NAV3: variants seen among roughly 807,000 people sequenced by gnomAD.
NAV3 encodes the protein neuron navigator 3.
In NAV3, 87 loss-of-function variants were observed where a neutral mutation model predicts 244.7. The observed-to-expected ratio is 0.36, with a 90% CI of 0.30 to 0.42. NAV3 has a LOEUF of 0.42. Ranked by LOEUF, NAV3 falls within the 20% of genes least tolerant of loss-of-function variation. The pLI is 1.00. For synonymous variants in NAV3, 1,126 were observed against 1,042.2 expected, an observed-to-expected ratio of 1.08 and a Z score of -1.55; for missense variants, 2,663 against 2,893.3, an observed-to-expected ratio of 0.92 and a Z score of 1.83.
At chr12:78,115,691 T>C (rs145510541) in intron 12 of NAV3, among the ~76,000 whole-genome samples, 1 of 152,334 alleles carries the variant, frequency 6.6e-6, no homozygotes, top group Admixed American at 6.5e-5. Context: ...TACATTTTCA[T>C]TGTTCTGATA....
intron 2 of NAV3, among the ~76,000 whole-genome samples, chr12:77,813,709 G>A (rs1872403380): frequency 6.6e-6 from 1 of 152,012 alleles, no homozygotes; most frequent in Non-Finnish European, 1.5e-5. Context: ...TCATAAGGAA[G>A]CAAAAAGATA....
intron 2 of NAV3, among the ~76,000 whole-genome samples, chr12:77,723,431 G>A (rs555265888): frequency 6.6e-6 from 1 of 152,112 alleles, no homozygotes; most frequent in Admixed American, 6.6e-5. Flanking sequence ...ATGCTGCTTA[G>A]ACTACATGGA....
At chr12:78,167,121 A>T (rs1426174463) in intron 23 of NAV3, among the ~76,000 whole-genome samples, 1 of 151,808 alleles carries the variant, frequency 6.6e-6, no homozygotes, top group Non-Finnish European at 1.5e-5. Context: ...AATGGAAAAT[A>T]TATTAAGTTT....
chr12:77,777,484 A>G (rs1387632684), intron 2 of NAV3, among the ~76,000 whole-genome samples: 1 of 152,188 alleles, frequency 6.6e-6, no homozygotes, highest in African/African-American at 2.4e-5. Context: ...CAAAAGGATG[A>G]CTAACATCCT....
At chr12:77,925,423 A>T (rs1226296758) in intron 1 of NAV3, among the ~76,000 whole-genome samples, 1 of 152,126 alleles carries the variant, frequency 6.6e-6, no homozygotes, top group African/African-American at 2.4e-5. Flanking sequence ...ATTTTCCTTT[A>T]GCTAATATAT....
chr12:78,046,710 T>G (rs987542066), intron 9 of NAV3, among the ~76,000 whole-genome samples: 5 of 152,154 alleles, frequency 3.3e-5, no homozygotes, highest in African/African-American at 9.7e-5. Flanking sequence ...ATATTCTGTT[T>G]ATTTGGGGTG....
intron 5 of NAV3, among the ~76,000 whole-genome samples, chr12:77,979,150 G>A (rs1466316544): frequency 6.7e-6 from 1 of 149,692 alleles, no homozygotes; most frequent in African/African-American, 2.5e-5. Flanking sequence ...CAAGGCAGGA[G>A]ATCACCTGAG....
chr12:78,017,212 C>T (rs1876372035), intron 8 of NAV3, among the ~76,000 whole-genome samples: 1 of 152,090 alleles, frequency 6.6e-6, no homozygotes, highest in East Asian at 1.9e-4. Flanking sequence ...ATTAAGTGCA[C>T]AAAAACAGGT....
intron 12 of NAV3, among the ~76,000 whole-genome samples, chr12:78,110,943 C>T (rs1296461608): frequency 6.6e-6 from 1 of 151,868 alleles, no homozygotes; most frequent in Non-Finnish European, 1.5e-5. Flanking sequence ...CACATGTTCT[C>T]ACTTATATGT....
At chr12:77,969,655 G>A (rs531459118) in intron 5 of NAV3, among the ~76,000 whole-genome samples, 11 of 152,228 alleles carry the variant, frequency 7.2e-5, no homozygotes, top group African/African-American at 2.6e-4. Context: ...GACCAGCCTG[G>A]CCAAGATGGT....
At chr12:77,849,896 G>A (rs947045224) in intron 1 of NAV3, among the ~76,000 whole-genome samples, 1 of 152,128 alleles carries the variant, frequency 6.6e-6, no homozygotes, top group Non-Finnish European at 1.5e-5. Flanking sequence ...GGAAGAAAGA[G>A]TGGAGGATCT....
At chr12:77,955,389 G>A (rs1891270886) in intron 3 of NAV3, among the ~76,000 whole-genome samples, 1 of 152,132 alleles carries the variant, frequency 6.6e-6, no homozygotes, top group South Asian at 2.1e-4. Context: ...GCAGCAAAAT[G>A]TGGGGGTTAG....
chr12:77,888,228 A>G (rs1883522918), intron 1 of NAV3, among the ~76,000 whole-genome samples: 4 of 152,146 alleles, frequency 2.6e-5, no homozygotes, highest in Admixed American at 2.6e-4. Flanking sequence ...ATGGTGGCTC[A>G]TGCCTGTAAT....
chr12:78,098,390 A>G (rs575961191), intron 12 of NAV3, among the ~76,000 whole-genome samples: 38 of 152,116 alleles, frequency 2.5e-4, no homozygotes, highest in Middle Eastern at 6.8e-3. Context: ...AACATCAACA[A>G]ATAGGGCAGT....
intron 2 of NAV3, among the ~76,000 whole-genome samples, chr12:77,583,282 G>T (rs1028153976): frequency 2.0e-5 from 3 of 152,144 alleles, no homozygotes; most frequent in Non-Finnish European, 4.4e-5. Flanking sequence ...AGACAATATT[G>T]TTAGGTACGA....
intron 2 of NAV3, among the ~76,000 whole-genome samples, chr12:77,580,922 A>C (rs1307911910): frequency 6.6e-6 from 1 of 152,216 alleles, no homozygotes; most frequent in Non-Finnish European, 1.5e-5. Context: ...GGAATATGTT[A>C]GTAAGATGTA....
chr12:78,165,289 C>A (rs917266934), intron 23 of NAV3, among the ~76,000 whole-genome samples: 1 of 151,918 alleles, frequency 6.6e-6, no homozygotes, highest in Non-Finnish European at 1.5e-5. Context: ...TATCTTATTC[C>A]TAAAATCCTT....
intron 2 of NAV3, among the ~76,000 whole-genome samples, chr12:77,692,556 A>G (rs1193925226): frequency 6.6e-6 from 1 of 152,096 alleles, no homozygotes; most frequent in Non-Finnish European, 1.5e-5. Context: ...TGCACTAATC[A>G]TGATGAATAT....
chr12:77,892,585 T>G (rs528057427), intron 1 of NAV3, among the ~76,000 whole-genome samples: 1 of 152,152 alleles, frequency 6.6e-6, no homozygotes, highest in South Asian at 2.1e-4. Flanking sequence ...CTGGCTAATT[T>G]TTTGTATTTT....
Sources: allele counts gnomAD v4.1 joint callset (sites outside exome capture counted in the v4.1 genomes callset), GRCh38; gene constraint gnomAD v4.1.1; transcripts MANE v1.5; gene names NCBI Gene and HGNC (gene_info 2026-07-23, HGNC 2026-07-21).